CADM2: variants seen among roughly 807,000 people sequenced by gnomAD.
The protein encoded by CADM2 is cell adhesion molecule 2, also known as immunoglobulin superfamily member 4D.
CADM2 carries 12 observed loss-of-function variants against 49.8 expected under a neutral mutation model. The observed-to-expected ratio is 0.24, with a 90% CI of 0.15 to 0.39. The LOEUF (loss-of-function observed/expected upper bound fraction) is 0.39, where lower values mean the gene tolerates loss of function less well. Ranked by LOEUF, CADM2 falls within the 10% of genes least tolerant of loss-of-function variation. CADM2 has a pLI of 1.00. For missense variants in CADM2, 378 were observed against 492.3 expected (o/e 0.77, Z 2.20); for synonymous variants, 214 against 175.4 (o/e 1.22, Z -1.74).
intron 1 of CADM2, among the ~76,000 whole-genome samples, chr3:85,544,304 C>T (rs555507311): frequency 3.7e-4 from 57 of 152,200 alleles, no homozygotes; most frequent in African/African-American, 1.3e-3. Flanking sequence ...GGAGGCCGGG[C>T]GCGGTTGCTC....
intron 3 of CADM2, among the ~76,000 whole-genome samples, chr3:85,871,602 C>T (rs551009972): frequency 4.6e-4 from 70 of 152,188 alleles, no homozygotes; most frequent in African/African-American, 1.5e-3. Context: ...GTGTAAGTCT[C>T]AATGAGCTAT....
intron 1 of CADM2, among the ~76,000 whole-genome samples, chr3:85,021,390 T>C (rs2034503686): frequency 6.6e-6 from 1 of 152,222 alleles, no homozygotes; most frequent in African/African-American, 2.4e-5. Flanking sequence ...GAATGTCACC[T>C]TTATGAAAGG....
At chr3:85,650,519 A>C (rs1325365586) in intron 1 of CADM2, among the ~76,000 whole-genome samples, 1 of 151,450 alleles carries the variant, frequency 6.6e-6, no homozygotes, top group African/African-American at 2.4e-5. Flanking sequence ...AAAAAAAAAA[A>C]ACCTCCAAAG....
At chr3:86,013,517 C>T (rs933638733) in intron 8 of CADM2, 262 of 1,604,580 alleles carry the variant, frequency 1.6e-4, no homozygotes, top group Non-Finnish European at 1.4e-4. Flanking sequence ...CAGCAGTTAA[C>T]ACGTTGTTTT....
intron 1 of CADM2, among the ~76,000 whole-genome samples, chr3:85,099,181 A>C (rs1304843756): frequency 6.6e-6 from 1 of 152,206 alleles, no homozygotes; most frequent in East Asian, 1.9e-4. Flanking sequence ...TGTTCTGTGA[A>C]GACAACATAA....
At chr3:85,576,593 G>C (rs1259125484) in intron 1 of CADM2, among the ~76,000 whole-genome samples, 1 of 152,040 alleles carries the variant, frequency 6.6e-6, no homozygotes, top group African/African-American at 2.4e-5. Context: ...TTTCTCTCTT[G>C]GAAGTGTTGT....
intron 1 of CADM2, among the ~76,000 whole-genome samples, chr3:85,320,086 A>G (rs1260219500): frequency 6.6e-6 from 1 of 152,206 alleles, no homozygotes; most frequent in Non-Finnish European, 1.5e-5. Flanking sequence ...CAGGAAGAGA[A>G]CATTTGGCCC....
At chr3:85,493,103 G>T (rs897330203) in intron 1 of CADM2, among the ~76,000 whole-genome samples, 3 of 151,920 alleles carry the variant, frequency 2.0e-5, no homozygotes, top group African/African-American at 7.3e-5. Flanking sequence ...TTTTAAATTG[G>T]ATACGGCATA....
intron 1 of CADM2, among the ~76,000 whole-genome samples, chr3:85,006,042 G>C (rs1046000897): frequency 6.6e-6 from 1 of 152,104 alleles, no homozygotes; most frequent in Non-Finnish European, 1.5e-5. Flanking sequence ...ACTGCAGACA[G>C]TCACAGGGAA....
chr3:85,328,094 T>C lies in CADM2; in HGVS notation c.61+368426T>C, dbSNP rs1053604180. On this transcript the variant is annotated intron_variant, in intron 1 of 9. Coordinates refer to ENST00000383699, the MANE Select transcript of CADM2 (RefSeq NM_001167675.2). The stretch of plus-strand genomic sequence containing the variant: ...CATTTTAGCCAATTATTTAAAATTG[T>C]GAAAATATGACTTAGTCCTATTCTG... Among the ~76,000 whole-genome samples, 77 of 152,330 alleles carry C rather than the reference T, an allele frequency of 5.1e-4. 1 individual carries two copies. Among genetic ancestry groups the C allele is most frequent in the Admixed American group, 5.0e-3 (76 of 15,306 alleles).
At position 84,984,046 on chromosome 3, in the gene CADM2, TATACACAC is replaced by T. The variant is rs1485919243; in HGVS notation, c.61+24380_61+24387del. Among the ~76,000 whole-genome samples the T allele has an allele frequency of 3.8e-3, 444 of 115,654 alleles. 4 individuals carry two copies. The highest frequency in any genetic ancestry group is 0.014 in the African/African-American group (412 of 29,220). The allele number at this position is 115,654 out of a possible 152,430, so 75.9% of individuals were successfully genotyped here. A position where few individuals can be genotyped will look rare whatever the true frequency, so the allele number is the denominator to read the frequency against. ...TTCTTCATTGTGATATATATATATA[TATACACAC>T]ACACACACACACACACACACACACA... On this transcript the variant is annotated intron_variant, in intron 1 of 9. Coordinates refer to ENST00000383699, the MANE Select transcript of CADM2 (RefSeq NM_001167675.2).
chr3:86,028,686 C>T (rs758130785), intron 8 of CADM2, among the ~76,000 whole-genome samples: 3 of 152,088 alleles, frequency 2.0e-5, no homozygotes. Flanking sequence ...TTGAAAACAA[C>T]TGCTTTAAAG....
intron 1 of CADM2, among the ~76,000 whole-genome samples, chr3:85,293,843 G>A (rs2043874012): frequency 6.7e-6 from 1 of 149,348 alleles, no homozygotes; most frequent in Admixed American, 6.7e-5. Context: ...TACTGAATGG[G>A]CAAAAACTGG....
rs549438188 is a variant in CADM2, at chr3:85,725,249, T to G, written c.62-1273T>G. 5.3e-5 allele frequency among the ~76,000 whole-genome samples: 8 copies of G among 152,092 alleles called. No individual in the cohort carries two copies. In the East Asian group the frequency reaches 1.5e-3, roughly 29 times the overall value. On this transcript the variant is annotated intron_variant, in intron 1 of 9. Transcript: ENST00000383699. ...TATATATGCAAATAGTAAGGCAGTT[T>G]TTGTTATTGTAGATGAAAACAAAAA...
intron 1 of CADM2, among the ~76,000 whole-genome samples, chr3:85,141,214 A>C (rs1386092593): frequency 1.3e-5 from 2 of 152,212 alleles, no homozygotes; most frequent in African/African-American, 4.8e-5. Context: ...TGGAGCCAGA[A>C]TACCTGGGTT....
At chr3:85,395,903 ATTAAG>A (rs1293982088) in intron 1 of CADM2, among the ~76,000 whole-genome samples, 1 of 149,516 alleles carries the variant, frequency 6.7e-6, no homozygotes, top group African/African-American at 2.4e-5. Flanking sequence ...AAATGTTAAT[ATTAAG>A]TTATTTTATA....
chr3:85,051,718 C>G (rs1236127497), intron 1 of CADM2, among the ~76,000 whole-genome samples: 2 of 152,160 alleles, frequency 1.3e-5, no homozygotes, highest in East Asian at 3.9e-4. Flanking sequence ...ATCTATCTCT[C>G]CATGAGGCAA....
chr3:85,164,900 A>G (rs968293824), intron 1 of CADM2, among the ~76,000 whole-genome samples: 1 of 152,010 alleles, frequency 6.6e-6, no homozygotes, highest in African/African-American at 2.4e-5. Context: ...TATATAGAAC[A>G]ATCAAGAAAT....
At chr3:85,618,308 A>T (rs1371963875) in intron 1 of CADM2, among the ~76,000 whole-genome samples, 1 of 152,124 alleles carries the variant, frequency 6.6e-6, no homozygotes, top group Non-Finnish European at 1.5e-5. Context: ...TATGAATAAG[A>T]TGACATGGAA....
Sources: allele counts gnomAD v4.1 joint callset (sites outside exome capture counted in the v4.1 genomes callset), GRCh38; gene constraint gnomAD v4.1.1; transcripts MANE v1.5; gene names NCBI Gene and HGNC (gene_info 2026-07-23, HGNC 2026-07-21).